STXBP5L: variants seen among roughly 807,000 people sequenced by gnomAD.
STXBP5L encodes the protein syntaxin-binding protein 5-like.
A neutral mutation model predicts 144.5 loss-of-function variants in STXBP5L; 65 were observed. The observed-to-expected ratio is 0.45, with a 90% CI of 0.37 to 0.55. STXBP5L has a LOEUF of 0.55. Ranked by LOEUF, STXBP5L falls within the 20% of genes least tolerant of loss-of-function variation. STXBP5L has a pLI of 0.00. For missense variants in STXBP5L, 1,298 were observed against 1,405.5 expected, an observed-to-expected ratio of 0.92 and a Z score of 1.22; for synonymous variants, 505 against 469.6, an observed-to-expected ratio of 1.08 and a Z score of -0.97.
At chr3:121,187,407 G>A (rs917026234) in intron 9 of STXBP5L, among the ~76,000 whole-genome samples, 6 of 144,698 alleles carry the variant, frequency 4.1e-5, no homozygotes, top group Non-Finnish European at 9.1e-5. Flanking sequence ...GTTGTAGGGT[G>A]GGGGGAGCGG....
At chr3:120,987,304 G>A (rs1181077628) in intron 3 of STXBP5L, among the ~76,000 whole-genome samples, 1 of 151,916 alleles carries the variant, frequency 6.6e-6, no homozygotes, top group Non-Finnish European at 1.5e-5. Context: ...GTATTTTTAA[G>A]TTTTAGTCGT....
chr3:121,394,290 G>T (rs4398369), intron 22 of STXBP5L, among the ~76,000 whole-genome samples: 1 of 151,994 alleles, frequency 6.6e-6, no homozygotes, highest in African/African-American at 2.4e-5. Context: ...ACTTTGCTGA[G>T]GTCATTTATC....
At chr3:121,014,518 T>A (rs575375413) in intron 3 of STXBP5L, among the ~76,000 whole-genome samples, 3 of 152,076 alleles carry the variant, frequency 2.0e-5, no homozygotes, top group Non-Finnish European at 4.4e-5. Flanking sequence ...CTGAGTAGTA[T>A]ACAAATGTAT....
In STXBP5L at chr3:121,030,342, T is replaced by G. The variant is rs568432551; in HGVS notation, c.288-11358T>G. ...GGTGCATATATACCATGGAATATTATACAGCCATAGAAAAGGATGAGTTCA... is the reference window on the plus strand; with the variant it reads ...GGTGCATATATACCATGGAATATTAGACAGCCATAGAAAAGGATGAGTTCA... On this transcript the variant is annotated intron_variant, in intron 3 of 26. Coordinates refer to ENST00000471454, the MANE Select transcript of STXBP5L (RefSeq NM_001308330.2). Among the ~76,000 whole-genome samples the G allele has an allele frequency of 3.9e-5, 6 of 152,266 alleles. No homozygotes were observed. The South Asian group carries it at 1.2e-3, about 32-fold the overall frequency.
chr3:121,403,151 T>C (rs1030139228), intron 22 of STXBP5L, among the ~76,000 whole-genome samples: 2 of 152,158 alleles, frequency 1.3e-5, no homozygotes, highest in African/African-American at 4.8e-5. Flanking sequence ...TATCTGCTTG[T>C]ATCTTCATGG....
intron 2 of STXBP5L, among the ~76,000 whole-genome samples, chr3:120,941,335 A>T (rs1391248422): frequency 6.6e-6 from 1 of 151,778 alleles, no homozygotes; most frequent in Non-Finnish European, 1.5e-5. Context: ...ATTAGTATGC[A>T]TAACATATTG....
At chr3:121,363,055 G>A (rs929900614) in intron 20 of STXBP5L, among the ~76,000 whole-genome samples, 1 of 152,114 alleles carries the variant, frequency 6.6e-6, no homozygotes, top group African/African-American at 2.4e-5. Flanking sequence ...TGGAATAGGG[G>A]CCTCAAGACT....
At chr3:121,294,091 G>A (rs1406883736) in intron 19 of STXBP5L, among the ~76,000 whole-genome samples, 1 of 152,190 alleles carries the variant, frequency 6.6e-6, no homozygotes, top group African/African-American at 2.4e-5. Flanking sequence ...TTTGATTTAT[G>A]CTATAAATAT....
chr3:121,091,512 C>A (rs1015576582), intron 5 of STXBP5L, among the ~76,000 whole-genome samples: 2 of 152,136 alleles, frequency 1.3e-5, no homozygotes, highest in African/African-American at 4.8e-5. Context: ...TTTTGATTTG[C>A]ATTTCTCTGA....
At chr3:121,070,864 G>A (rs1009550684) in intron 5 of STXBP5L, among the ~76,000 whole-genome samples, 1 of 152,148 alleles carries the variant, frequency 6.6e-6, no homozygotes, top group South Asian at 2.1e-4. Context: ...GGTTTCTGTG[G>A]GGTTGGTATA....
At chr3:121,140,144 C>A (rs1029420203) in intron 7 of STXBP5L, among the ~76,000 whole-genome samples, 5 of 85,326 alleles carry the variant, frequency 5.9e-5, no homozygotes, top group Non-Finnish European at 1.3e-4. Flanking sequence ...AAATGGCCAA[C>A]AAGTATATAG....
intron 5 of STXBP5L, among the ~76,000 whole-genome samples, chr3:121,072,897 CAA>C (rs943614759): frequency 1.3e-5 from 2 of 152,132 alleles, no homozygotes; most frequent in Non-Finnish European, 2.9e-5. Context: ...TGTGGGCATG[CAA>C]AGTGGCAAAA....
At chr3:121,390,992 C>T (rs2046570136) in intron 22 of STXBP5L, among the ~76,000 whole-genome samples, 4 of 152,104 alleles carry the variant, frequency 2.6e-5, no homozygotes, top group South Asian at 2.1e-4. Context: ...CAACTTGGTT[C>T]CATTCTCCCC....
At chr3:121,372,454 C>A (rs2046060308) in intron 20 of STXBP5L, among the ~76,000 whole-genome samples, 1 of 152,178 alleles carries the variant, frequency 6.6e-6, no homozygotes, top group Non-Finnish European at 1.5e-5. Context: ...TCTCTCTTCT[C>A]TAAGCAGCTT....
chr3:121,364,142 G>A (rs746188345), intron 20 of STXBP5L, among the ~76,000 whole-genome samples: 4 of 152,024 alleles, frequency 2.6e-5, no homozygotes, highest in Non-Finnish European at 5.9e-5. Flanking sequence ...GCCCTTTGTA[G>A]CTTCTAAGAG....
chr3:121,170,949 A>G (rs1357383738), intron 9 of STXBP5L, among the ~76,000 whole-genome samples: 2 of 152,240 alleles, frequency 1.3e-5, no homozygotes, highest in Non-Finnish European at 2.9e-5. Flanking sequence ...TCAATAAAAT[A>G]CTGGTAAACC....
At chr3:121,312,446 C>CTTTTTTTTTTTTTTTTTTTTTTTTTTT (rs58989280) in intron 19 of STXBP5L, among the ~76,000 whole-genome samples, 3 of 12,752 alleles carry the variant, frequency 2.4e-4, no homozygotes, top group African/African-American at 4.3e-4. Flanking sequence ...GTATGTCAAT[C>CTTTTTTTTTTTTTTTTTTTTTTTTTTT]TTTTTTTTTT....
intron 3 of STXBP5L, among the ~76,000 whole-genome samples, chr3:120,979,564 C>T (rs577747361): frequency 1.3e-5 from 2 of 152,302 alleles, no homozygotes; most frequent in South Asian, 2.1e-4. Context: ...CTGTCCTGCA[C>T]CCACTGTCTG....
intron 5 of STXBP5L, among the ~76,000 whole-genome samples, chr3:121,100,199 AAACTT>A (rs2043344129): frequency 6.6e-6 from 1 of 152,144 alleles, no homozygotes; most frequent in Non-Finnish European, 1.5e-5. Context: ...TTGAGGCAGA[AAACTT>A]AACAATGAAA....
Sources: gnomAD v4.1 joint callset for allele counts (sites outside exome capture counted in the v4.1 genomes callset) on GRCh38, gnomAD v4.1.1 for gene constraint, MANE v1.5 for transcripts, NCBI Gene and HGNC (gene_info 2026-07-23, HGNC 2026-07-21) for gene names.